HERC1: variants seen among roughly 807,000 people sequenced by gnomAD.
HERC1 encodes the protein HECT and RLD domain containing E3 ubiquitin protein ligase family member 1.
Under a neutral mutation model 554.3 loss-of-function variants are expected in HERC1, and 160 were observed. The observed-to-expected ratio is 0.29, with a 90% CI of 0.25 to 0.33. HERC1 has a LOEUF of 0.33. Ranked by LOEUF, HERC1 falls within the 10% of genes least tolerant of loss-of-function variation. HERC1 has a pLI of 1.00. For missense variants in HERC1, 4,919 were observed against 5,918.5 expected (o/e 0.83, Z 5.54); for synonymous variants, 2,175 against 2,131.7 (o/e 1.02, Z -0.56).
chr15:63,671,439 T>C (rs1337841980), intron 39 of HERC1, among the ~76,000 whole-genome samples: 1 of 152,042 alleles, frequency 6.6e-6, no homozygotes. Context: ...CCTTATTCTT[T>C]GAACAGACGC....
chr15:63,714,543 C>CTTT (rs1431242256), intron 22 of HERC1, among the ~76,000 whole-genome samples: 1 of 113,018 alleles, frequency 8.8e-6, no homozygotes, highest in African/African-American at 3.3e-5. Flanking sequence ...TTTCCTTTTT[C>CTTT]TGTTTTTTTT....
At position 63,628,797 on chromosome 15, in the gene HERC1, T is replaced by C. The variant is rs1311892289; in HGVS notation, c.12985A>G (p.Asn4329Asp). The change falls in exon 70 of 78, where the codon AAC becomes GAC. Residue 4329 changes from asparagine (N) to aspartate (D), a missense_variant. Transcript: ENST00000443617. ...ACCAGGGTTGGTTCTCGAACATGGT[T>C]GGTATGGCCTAAGCCGAGCTGGGAA... ...SEGQLGLGHT[N>D]HVREPTLVTG... 1.2e-6 allele frequency: 2 copies of C among 1,613,962 alleles called. No homozygotes were observed. The highest frequency in any genetic ancestry group is 1.7e-6 in the Non-Finnish European group (2 of 1,179,862).
chr15:63,641,759 TTTTATATCC>T, intron 59 of HERC1, 116 bp from the exon 60 acceptor site: 1 of 809,182 alleles, frequency 1.2e-6, no homozygotes, highest in Non-Finnish European at 1.8e-6. Context: ...TTTTTGGATA[TTTTATATCC>T]AAAAAGGCTA....
intron 1 of HERC1, among the ~76,000 whole-genome samples, chr15:63,796,967 T>C (rs2076833437): frequency 6.6e-6 from 1 of 152,190 alleles, no homozygotes. Flanking sequence ...ATGAGGCATA[T>C]CTGGCTCCCC....
intron 65 of HERC1, among the ~76,000 whole-genome samples, chr15:63,635,552 T>C (rs1279367015): frequency 6.6e-6 from 1 of 152,220 alleles, no homozygotes; most frequent in East Asian, 1.9e-4. Flanking sequence ...TCTTACAATA[T>C]GATTTTAGAA....
intron 57 of HERC1, 136 bp from the exon 58 acceptor site, chr15:63,643,686 T>C: frequency 3.5e-6 from 2 of 568,794 alleles, no homozygotes; most frequent in Non-Finnish European, 6.1e-6. Context: ...TCATAAAGGA[T>C]AGTAAGCTTG....
chr15:63,782,305 T>TAC (rs1176966221), intron 1 of HERC1, among the ~76,000 whole-genome samples: 1 of 152,186 alleles, frequency 6.6e-6, no homozygotes, highest in Admixed American at 6.5e-5. Flanking sequence ...CTGGTGGACT[T>TAC]AAAGTTGAAG....
At chr15:63,776,993 T>C (rs1389871077) in intron 1 of HERC1, among the ~76,000 whole-genome samples, 1 of 152,156 alleles carries the variant, frequency 6.6e-6, no homozygotes, top group Non-Finnish European at 1.5e-5. Flanking sequence ...ATATATTTTT[T>C]ATATACACAC....
rs548556435 is a variant in HERC1 at position 63,737,400 on chromosome 15, G to GAT, written c.2521-2553_2521-2552dup. 4.0e-4 allele frequency among the ~76,000 whole-genome samples: 30 copies of GAT among 74,422 alleles called. 1 individual carries two copies. Among genetic ancestry groups the GAT allele is most frequent in the South Asian group, 1.4e-3 (4 of 2,926 alleles). 48.8% of individuals were successfully genotyped at this position (74,422 alleles called of 152,430 possible). A position where few individuals can be genotyped will look rare whatever the true frequency, so the allele number is the denominator to read the frequency against. On this transcript the variant is annotated intron_variant, in intron 12 of 77. Coordinates refer to ENST00000443617, the MANE Select transcript of HERC1 (RefSeq NM_003922.4). ...TATATATATATATATCGTTTTTCCA[G>GAT]ATATATATATATATATCTTTTTTCC...
chr15:63,693,230 T>C (rs1225765189), intron 30 of HERC1, among the ~76,000 whole-genome samples: 1 of 128,808 alleles, frequency 7.8e-6, no homozygotes, highest in Non-Finnish European at 1.7e-5. Flanking sequence ...CCCTTGGTGC[T>C]GGGGAATTTT....
intron 1 of HERC1, among the ~76,000 whole-genome samples, chr15:63,815,816 C>G (rs2077472863): frequency 6.6e-6 from 1 of 152,168 alleles, no homozygotes; most frequent in Admixed American, 6.5e-5. Flanking sequence ...CACAGTTCCA[C>G]AGGGCTGGAA....
intron 1 of HERC1, among the ~76,000 whole-genome samples, chr15:63,817,383 T>G (rs1408121786): frequency 1.3e-5 from 2 of 152,168 alleles, no homozygotes; most frequent in African/African-American, 2.4e-5. Context: ...TTGAAATATC[T>G]GAAAGGTAAA....
At chr15:63,657,989 C>T (rs891952991) in intron 48 of HERC1, among the ~76,000 whole-genome samples, 10 of 152,218 alleles carry the variant, frequency 6.6e-5, no homozygotes, top group Non-Finnish European at 7.3e-5. Context: ...CTCTTCTGTA[C>T]TATCCTATTT....
intron 2 of HERC1, among the ~76,000 whole-genome samples, chr15:63,765,488 C>T (rs948592489): frequency 6.6e-6 from 1 of 152,134 alleles, no homozygotes; most frequent in Non-Finnish European, 1.5e-5. Context: ...CCAGCGTTAA[C>T]ATCAATACTG....
At chr15:63,773,115 G>T (rs954546330) in intron 2 of HERC1, among the ~76,000 whole-genome samples, 3 of 152,060 alleles carry the variant, frequency 2.0e-5, no homozygotes, top group African/African-American at 7.2e-5. Flanking sequence ...TAGATTTGTT[G>T]GTTGACATCT....
chr15:63,757,423 C>T (rs1329741813), intron 4 of HERC1, among the ~76,000 whole-genome samples: 3 of 151,762 alleles, frequency 2.0e-5, no homozygotes, highest in East Asian at 1.9e-4. Context: ...CCATCATGCC[C>T]GGCTAATTTT....
chr15:63,733,640 G>C (rs1162252361), intron 13 of HERC1, among the ~76,000 whole-genome samples: 1 of 152,076 alleles, frequency 6.6e-6, no homozygotes, highest in Non-Finnish European at 1.5e-5. Flanking sequence ...ATCCGCTTGA[G>C]TCCAGGAATT....
chr15:63,686,598 T>C, intron 33 of HERC1, 63 bp from the exon 34 acceptor site: 3 of 1,400,476 alleles, frequency 2.1e-6, no homozygotes, highest in Admixed American at 2.1e-5. Flanking sequence ...AGATATATTC[T>C]GAGGCTCCTT....
Position 63,656,151 on chromosome 15 carries a change from T to G in HERC1, c.9807A>C (p.Ala3269=), listed in dbSNP as rs1262775616. The G allele has an allele frequency of 2.5e-6, 4 of 1,612,870 alleles. No individual in the cohort carries two copies. The highest frequency in any genetic ancestry group is 3.4e-6 in the Non-Finnish European group (4 of 1,179,394). Residue 3269 remains alanine, a synonymous_variant, in exon 49 of 78, where the codon GCA becomes GCC. Coordinates refer to ENST00000443617, the MANE Select transcript of HERC1 (RefSeq NM_003922.4). ...PISCLAYLST[A]VGCLASNAPS... ...GAGCATTTGATGCCAGACATCCCACTGCTGTGCTCAAATAGGCCAGGCAAG... is the reference window on the plus strand; with the variant it reads ...GAGCATTTGATGCCAGACATCCCACGGCTGTGCTCAAATAGGCCAGGCAAG...
Sources: allele counts gnomAD v4.1 joint callset (sites outside exome capture counted in the v4.1 genomes callset), GRCh38; gene constraint gnomAD v4.1.1; transcripts MANE v1.5; gene names NCBI Gene and HGNC (gene_info 2026-07-23, HGNC 2026-07-21).